The following FOCAD variants were observed in gnomAD, a reference collection of about 807,000 sequenced individuals.
FOCAD encodes KIAA1797.
FOCAD carries 198 observed loss-of-function variants against 225.6 expected under a neutral mutation model. The observed-to-expected ratio is 0.88, with a 90% CI of 0.78 to 0.99. The LOEUF is 0.99. FOCAD is among the 50% of genes least tolerant of loss of function. The pLI, the probability that FOCAD is intolerant of heterozygous loss-of-function variation, is 0.00. For synonymous variants in FOCAD, 897 were observed against 755.0 expected, an observed-to-expected ratio of 1.19 and a Z score of -3.08; for missense variants, 2,713 against 2,123.6, an observed-to-expected ratio of 1.28 and a Z score of -5.46.
At chr9:20,808,980 T>A (rs1822756161) in intron 11 of FOCAD, among the ~76,000 whole-genome samples, 1 of 152,192 alleles carries the variant, frequency 6.6e-6, no homozygotes, top group Non-Finnish European at 1.5e-5. Context: ...TGTACAGTAT[T>A]CATATATTCC....
chr9:20,821,452 AAGT>A (rs1564031574), intron 14 of FOCAD, among the ~76,000 whole-genome samples: 1 of 152,090 alleles, frequency 6.6e-6, no homozygotes, highest in Admixed American at 6.6e-5. Context: ...GTAGGGAGAT[AAGT>A]AGTTTTAATG....
At chr9:20,758,756 G>A (rs1200822250) in intron 6 of FOCAD, among the ~76,000 whole-genome samples, 3 of 152,122 alleles carry the variant, frequency 2.0e-5, no homozygotes, top group Non-Finnish European at 4.4e-5. Context: ...AGTGTTGGAA[G>A]TTCTGGCCAG....
chr9:20,857,476 C>T (rs1828302662), intron 15 of FOCAD, among the ~76,000 whole-genome samples: 1 of 151,688 alleles, frequency 6.6e-6, no homozygotes, highest in Non-Finnish European at 1.5e-5. Context: ...GTTTAATGGT[C>T]CTAATTTTGT....
intron 21 of FOCAD, among the ~76,000 whole-genome samples, chr9:20,893,705 T>C (rs1011438512): frequency 5.3e-5 from 8 of 152,124 alleles, no homozygotes; most frequent in African/African-American, 1.9e-4. Context: ...AAAACAGACT[T>C]TATTTTTTAG....
At chr9:20,949,483 A>AGAAG (rs1837488096) in intron 32 of FOCAD, 121 bp from the exon 33 acceptor site, 1 of 726,774 alleles carries the variant, frequency 1.4e-6, no homozygotes, top group Non-Finnish European at 2.4e-6. Flanking sequence ...TATTTGAAAT[A>AGAAG]GAAGGACATA....
chr9:20,782,384 C>A (rs1400700512), intron 10 of FOCAD, among the ~76,000 whole-genome samples: 3 of 152,152 alleles, frequency 2.0e-5, no homozygotes, highest in Non-Finnish European at 2.9e-5. Context: ...GCACCTCTTG[C>A]CGTGTTCCCT....
intron 21 of FOCAD, 71 bp from the exon 22 acceptor site, chr9:20,907,079 T>C (rs1833040697): frequency 8.1e-7 from 1 of 1,229,126 alleles, no homozygotes. Context: ...AAAGAACTGA[T>C]GAAACAGTTT....
chr9:20,941,215 C>A (rs1364644383), intron 28 of FOCAD, among the ~76,000 whole-genome samples: 2 of 152,150 alleles, frequency 1.3e-5, no homozygotes, highest in Non-Finnish European at 2.9e-5. Flanking sequence ...CTGAAAGAAC[C>A]CGCACACCTG....
intron 21 of FOCAD, among the ~76,000 whole-genome samples, chr9:20,899,381 C>A (rs114563485): frequency 6.6e-6 from 1 of 151,958 alleles, no homozygotes; most frequent in South Asian, 2.1e-4. Context: ...GTTTTCCTGC[C>A]CCAGCCCTAG....
At chr9:20,714,720 C>G (rs781316890) in intron 1 of FOCAD, among the ~76,000 whole-genome samples, 2 of 147,916 alleles carry the variant, frequency 1.4e-5, no homozygotes, top group Admixed American at 6.8e-5. Flanking sequence ...CTCTCTTTCA[C>G]TTTTCTTTTC....
At chr9:20,784,606 T>C (rs192212660) in intron 10 of FOCAD, among the ~76,000 whole-genome samples, 1 of 152,336 alleles carries the variant, frequency 6.6e-6, no homozygotes, top group Admixed American at 6.5e-5. Flanking sequence ...TTAGTCAGCA[T>C]AACAATTTAG....
intron 5 of FOCAD, among the ~76,000 whole-genome samples, chr9:20,753,288 C>T (rs887958944): frequency 9.2e-5 from 14 of 151,920 alleles, no homozygotes; most frequent in Admixed American, 8.5e-4. Flanking sequence ...ATGATATTGG[C>T]TATGGGTTTG....
chr9:20,781,645 C>T (rs1199889777), intron 9 of FOCAD, 82 bp from the exon 10 acceptor site: 13 of 1,201,028 alleles, frequency 1.1e-5, no homozygotes, highest in African/African-American at 6.0e-5. Context: ...AACTTTCTTG[C>T]ATATCATTCT....
At chr9:20,922,136 C>A (rs1444399784) in intron 24 of FOCAD, among the ~76,000 whole-genome samples, 2 of 152,128 alleles carry the variant, frequency 1.3e-5, no homozygotes, top group African/African-American at 4.8e-5. Flanking sequence ...CTAGGAATGA[C>A]CAAATCCCAC....
intron 4 of FOCAD, among the ~76,000 whole-genome samples, chr9:20,737,819 A>G (rs1827270881): frequency 6.6e-6 from 1 of 152,190 alleles, no homozygotes; most frequent in Non-Finnish European, 1.5e-5. Flanking sequence ...TACAAAATTC[A>G]TATATTTGGA....
intron 37 of FOCAD, among the ~76,000 whole-genome samples, chr9:20,978,667 T>C (rs918544637): frequency 6.6e-6 from 1 of 152,246 alleles, no homozygotes; most frequent in African/African-American, 2.4e-5. Flanking sequence ...AGCTACCATT[T>C]ATTACCAAAA....
chr9:20,933,000 T>G lies in FOCAD; in HGVS notation c.3318-14T>G. On this transcript the variant is annotated splice_polypyrimidine_tract_variant and intron_variant, in intron 27 of 43. Transcript: ENST00000338382. ...TTTTAAATAATTCATTGTTTCCCCT[T>G]GATCTTTAACCAGTGATATATCTGG... 1.3e-6 allele frequency: 2 copies of G among 1,594,130 alleles called. No homozygotes were observed. The highest frequency in any genetic ancestry group is 1.7e-6 in the Non-Finnish European group (2 of 1,162,070).
chr9:20,773,506 A>G (rs1193226506), intron 8 of FOCAD, among the ~76,000 whole-genome samples: 1 of 152,296 alleles, frequency 6.6e-6, no homozygotes, highest in South Asian at 2.1e-4. Flanking sequence ...CAAAACATAG[A>G]ACTTTGAAAC....
chr9:20,835,507 A>G (rs1470137968), intron 15 of FOCAD, among the ~76,000 whole-genome samples: 1 of 152,046 alleles, frequency 6.6e-6, no homozygotes, highest in African/African-American at 2.4e-5. Flanking sequence ...CCTGTGCTCC[A>G]TGTTGTGGTG....
Sources: allele counts gnomAD v4.1 joint callset (sites outside exome capture counted in the v4.1 genomes callset), GRCh38; gene constraint gnomAD v4.1.1; transcripts MANE v1.5; gene names NCBI Gene and HGNC (gene_info 2026-07-23, HGNC 2026-07-21).